ANKFY1: variants seen among roughly 807,000 people sequenced by gnomAD.
ANKFY1 encodes the protein ankyrin repeat and FYVE domain containing 1.
Under a neutral mutation model 128.3 loss-of-function variants are expected in ANKFY1, and 47 were observed. The ratio of observed to expected loss-of-function variants is 0.37; its 90% CI spans 0.29 to 0.47. The LOEUF (loss-of-function observed/expected upper bound fraction) is 0.47. Among genes scored for constraint, ANKFY1 ranks in the 20% least tolerant of loss-of-function variants. The pLI, the probability that ANKFY1 is intolerant of heterozygous loss-of-function variation, is 1.00. For synonymous variants in ANKFY1, 553 were observed against 601.6 expected, an observed-to-expected ratio of 0.92 and a Z score of 1.18; for missense variants, 1,222 against 1,510.6, an observed-to-expected ratio of 0.81 and a Z score of 3.17.
At chr17:4,242,590 A>G in intron 1 of ANKFY1, 142 bp from the exon 2 acceptor site, 1 of 741,510 alleles carries the variant, frequency 1.3e-6, no homozygotes, top group Non-Finnish European at 2.1e-6. Flanking sequence ...ATAGTCCTAC[A>G]GGATCAAGAA....
At chr17:4,196,898 T>C (rs1256460487) in intron 8 of ANKFY1, among the ~76,000 whole-genome samples, 1 of 152,306 alleles carries the variant, frequency 6.6e-6, no homozygotes, top group Non-Finnish European at 1.5e-5. Context: ...GGTGGGCAGA[T>C]TGCTTGAGCT....
intron 14 of ANKFY1, among the ~76,000 whole-genome samples, chr17:4,183,013 CGA>C (rs1281022296): frequency 6.6e-6 from 1 of 151,878 alleles, no homozygotes; most frequent in Non-Finnish European, 1.5e-5. Flanking sequence ...GGCTGAGGCA[CGA>C]GAAATGCTTG....
intron 1 of ANKFY1, among the ~76,000 whole-genome samples, chr17:4,259,493 GC>G (rs1409929790): frequency 1.3e-5 from 2 of 152,174 alleles, no homozygotes; most frequent in Non-Finnish European, 2.9e-5. Context: ...TGTTGGTCAG[GC>G]TGGTCTGGAA....
intron 1 of ANKFY1, among the ~76,000 whole-genome samples, chr17:4,263,135 C>T (rs542709991): frequency 2.6e-5 from 4 of 152,184 alleles, no homozygotes; most frequent in Non-Finnish European, 5.9e-5. Flanking sequence ...CCTTCTTTCC[C>T]CCTACGTGTA....
At position 4,195,194 on chromosome 17, in the gene ANKFY1, G is replaced by C. The variant is rs2059794928; in HGVS notation, c.1173-17C>G. On this transcript the variant is annotated splice_polypyrimidine_tract_variant and intron_variant, in intron 9 of 24. Transcript: ENST00000341657. ...AAATCTAGTCTGAAAAGCAGAAGCA[G>C]TGTCAACAGCACATACAATCTTTTT... 6.3e-7 allele frequency: 1 copy of C among 1,593,064 alleles called. No homozygotes were observed. Among genetic ancestry groups the C allele is most frequent in the Non-Finnish European group, 8.6e-7 (1 of 1,166,492 alleles).
intron 1 of ANKFY1, among the ~76,000 whole-genome samples, chr17:4,258,906 A>C (rs1048719863): frequency 3.9e-5 from 6 of 152,092 alleles, no homozygotes; most frequent in African/African-American, 1.4e-4. Flanking sequence ...GTTTATGATA[A>C]ATTTTCTGTT....
At chr17:4,211,093 T>C (rs887483797) in intron 4 of ANKFY1, among the ~76,000 whole-genome samples, 1 of 150,984 alleles carries the variant, frequency 6.6e-6, no homozygotes, top group African/African-American at 2.4e-5. Context: ...CTAAAATATC[T>C]ATAATGTTTT....
Position 4,178,782 on chromosome 17 carries a change from C to G in ANKFY1, c.2598+75G>C. ...CTTTCCATGAGGAGACCTGTTTAGT[C>G]GGTGACATCTGTCTAGTCTCCAGGT... is the stretch of plus-strand genomic sequence containing the variant. On this transcript the variant is annotated intron_variant, in intron 18 of 24. Coordinates refer to ENST00000341657, the MANE Select transcript of ANKFY1 (RefSeq NM_001330063.2). This position sits in a 1 kb window ranked among gnomAD's most constrained non-coding sequence, Gnocchi z 4.1. 7.1e-7 allele frequency: 1 copy of G among 1,405,368 alleles called. No individual in the cohort carries two copies. The highest frequency in any genetic ancestry group is 1.2e-5 in the South Asian group (1 of 84,048). The allele number at this position is 1,405,368 out of a possible 1,614,324, so 87.1% of individuals were successfully genotyped here.
intron 5 of ANKFY1, 63 bp downstream of exon 5, chr17:4,209,761 C>T (rs758833497): frequency 1.1e-5 from 17 of 1,536,298 alleles, no homozygotes; most frequent in Non-Finnish European, 1.5e-5. Context: ...GGAACTACGT[C>T]CCCAGCGGCG....
intron 7 of ANKFY1, among the ~76,000 whole-genome samples, chr17:4,204,062 T>G (rs1484084258): frequency 6.6e-6 from 1 of 152,148 alleles, no homozygotes; most frequent in African/African-American, 2.4e-5. Context: ...ACTGGTATAC[T>G]TGGTTATTAG....
chr17:4,263,978 G>A lies in ANKFY1; in HGVS notation c.-37C>T. Reference sequence around the variant, plus strand: ...CACTGCCTGCAACCTCGCGAGAAGTGCGCGGCTCAACCGGGGCGGTGCGGA... The same window carrying A: ...CACTGCCTGCAACCTCGCGAGAAGTACGCGGCTCAACCGGGGCGGTGCGGA... On this transcript the variant is annotated 5_prime_UTR_variant, in exon 1 of 25. Transcript: ENST00000341657. The A allele has an allele frequency of 3.1e-6, 5 of 1,613,888 alleles. No homozygotes were observed. Among genetic ancestry groups the A allele is most frequent in the Non-Finnish European group, 4.2e-6 (5 of 1,179,916 alleles).
intron 6 of ANKFY1, among the ~76,000 whole-genome samples, chr17:4,207,686 T>TA (rs79910969): frequency 0.063 from 8,775 of 139,480 alleles, 472 homozygotes; most frequent in African/African-American, 0.15. Flanking sequence ...AAGAAGCGTT[T>TA]AAAAAAAAAA....
chr17:4,222,488 A>G, intron 3 of ANKFY1: 1 of 880,456 alleles, frequency 1.1e-6, no homozygotes, highest in Non-Finnish European at 2.0e-6. Context: ...GACCTGCCCC[A>G]GGGCAACATT....
chr17:4,219,903 C>T (rs1282669242), intron 3 of ANKFY1, among the ~76,000 whole-genome samples: 6 of 152,200 alleles, frequency 3.9e-5, no homozygotes, highest in Middle Eastern at 3.4e-3. Context: ...CTCACTGCAA[C>T]CTCTGCCTCC....
intron 4 of ANKFY1, among the ~76,000 whole-genome samples, chr17:4,214,714 G>C (rs919686450): frequency 6.6e-6 from 1 of 151,838 alleles, no homozygotes; most frequent in African/African-American, 2.4e-5. Context: ...TTTTAGTAGA[G>C]ACTGGGTTTC....
At chr17:4,171,609 G>C (rs890625295) in intron 22 of ANKFY1, among the ~76,000 whole-genome samples, 1 of 152,172 alleles carries the variant, frequency 6.6e-6, no homozygotes, top group Non-Finnish European at 1.5e-5. Flanking sequence ...CTGTAAACCG[G>C]GGACCTCAAC....
intron 10 of ANKFY1, among the ~76,000 whole-genome samples, chr17:4,191,539 A>G (rs1301905687): frequency 1.6e-4 from 20 of 126,130 alleles, no homozygotes; most frequent in East Asian, 5.1e-4. Context: ...GTTGATGGTT[A>G]CTCTAATCTG....
Position 4,211,751 on chromosome 17 carries a change from T to C in ANKFY1, c.459-1804A>G, listed in dbSNP as rs533859366. Among the ~76,000 whole-genome samples, 151 of 152,040 alleles carry C rather than the reference T, an allele frequency of 9.9e-4. 1 individual carries two copies. Among genetic ancestry groups the C allele is most frequent in the African/African-American group, 3.6e-3 (148 of 41,484 alleles). The stretch of plus-strand genomic sequence containing the variant: ...CAGGCATGGTAGCATGTGCCTGTAG[T>C]CCCAGCTACTCAGGAGGCTGAAGTA... On this transcript the variant is annotated intron_variant, in intron 4 of 24. Transcript: ENST00000341657.
At chr17:4,200,334 G>A (rs2059905918) in intron 7 of ANKFY1, among the ~76,000 whole-genome samples, 1 of 152,162 alleles carries the variant, frequency 6.6e-6, no homozygotes, top group East Asian at 1.9e-4. Context: ...AAAGTGTTGG[G>A]ATTACAGGCG....
Sources: allele counts gnomAD v4.1 joint callset (sites outside exome capture counted in the v4.1 genomes callset), GRCh38; gene constraint gnomAD v4.1.1; non-coding constraint Gnocchi (gnomAD v3.1); transcripts MANE v1.5; gene names NCBI Gene and HGNC (gene_info 2026-07-23, HGNC 2026-07-21).